DCAF11: variants seen among roughly 807,000 people sequenced by gnomAD.
The protein encoded by DCAF11 is DDB1- and CUL4-associated factor 11.
DCAF11 carries 44 observed loss-of-function variants against 76.1 expected under a neutral mutation model. That is an observed-to-expected ratio of 0.58 (90% CI 0.45 to 0.74). The LOEUF is 0.74. DCAF11 is among the 30% of genes least tolerant of loss of function. The pLI, the probability that DCAF11 is intolerant of heterozygous loss-of-function variation, is 0.00. For synonymous variants in DCAF11, 258 were observed against 255.0 expected, an observed-to-expected ratio of 1.01 and a Z score of -0.11; for missense variants, 604 against 709.4, an observed-to-expected ratio of 0.85 and a Z score of 1.69.
intron 2 of DCAF11, among the ~76,000 whole-genome samples, 192 bp from the exon 3 acceptor site, chr14:24,116,725 G>A (rs759446154): frequency 1.1e-3 from 169 of 152,302 alleles, no homozygotes; most frequent in Admixed American, 4.7e-3. Flanking sequence ...TGTTGGTCTT[G>A]CTCTTGCTGT....
Position 24,115,762 on chromosome 14 carries a change from C to T in DCAF11, c.155+13C>T. ...ATCTCCTCCGCAGGTAACTTACCCT[C>T]TGGTGTGACCCCCAGCAGGTGCTAC... On this transcript the variant is annotated intron_variant, in intron 2 of 14. Transcript: ENST00000446197. 1.2e-6 allele frequency: 2 copies of T among 1,608,762 alleles called. No homozygotes were observed. The highest frequency in any genetic ancestry group is 2.2e-5 in the South Asian group (2 of 90,114).
rs2037607269 is a variant in DCAF11, at chr14:24,117,639, A to G, written c.412-29A>G. 2 of 1,608,854 alleles carry G rather than the reference A, an allele frequency of 1.2e-6. No homozygotes were observed. Among genetic ancestry groups the G allele is most frequent in the Admixed American group, 1.7e-5 (1 of 59,518 alleles). ...GCTGAAGTGGCCCTCTATTTCTGCT[A>G]GCAATATTCCCCAATCCCTTCCATT... On this transcript the variant is annotated intron_variant, in intron 4 of 14. Transcript: ENST00000446197. This position sits in a 1 kb window ranked among gnomAD's most constrained non-coding sequence, Gnocchi z 4.3.
At chr14:24,116,391 TCC>T (rs1477869841) in intron 2 of DCAF11, among the ~76,000 whole-genome samples, 1 of 152,142 alleles carries the variant, frequency 6.6e-6, no homozygotes, top group Non-Finnish European at 1.5e-5. Context: ...CTCACTGTGT[TCC>T]CCAGTCTGGA....
intron 8 of DCAF11, 42 bp from the exon 9 acceptor site, chr14:24,119,103 G>T: frequency 6.2e-7 from 1 of 1,612,540 alleles, no homozygotes; most frequent in Non-Finnish European, 8.5e-7. Flanking sequence ...ATTAACAAAA[G>T]CTGAAGGAAG....
chr14:24,116,591 C>T (rs912440882), intron 2 of DCAF11, among the ~76,000 whole-genome samples: 1 of 152,178 alleles, frequency 6.6e-6, no homozygotes, highest in African/African-American at 2.4e-5. Flanking sequence ...GGATGTTTAG[C>T]TTGTTGGGAG....
chr14:24,120,858 C>T lies in DCAF11; in HGVS notation c.1113C>T (p.Ile371=), dbSNP rs1400899277. The T allele has an allele frequency of 6.2e-7, 1 of 1,614,226 alleles. No homozygotes were observed. Among genetic ancestry groups the T allele is most frequent in the South Asian group, 1.1e-5 (1 of 91,086 alleles). The change falls in exon 12 of 15, where the codon ATC becomes ATT. Residue 371 remains isoleucine, a synonymous_variant. Coordinates refer to ENST00000446197, the MANE Select transcript of DCAF11 (RefSeq NM_025230.5). ...IDSKGDARYL[I]SNSKDQTIKL... ...CATAGGGTGATGCCCGGTATCTGAT[C>T]TCCAACTCTAAAGACCAGACCATCA...
At chr14:24,118,681 T>C (rs1387633115) in intron 7 of DCAF11, 69 bp from the exon 8 acceptor site, 1 of 1,601,742 alleles carries the variant, frequency 6.2e-7, no homozygotes, top group East Asian at 2.2e-5. Flanking sequence ...GTTTGATCTC[T>C]TCCCTAGCTT....
rs2037745770 is a variant in DCAF11, at chr14:24,124,468, GCTCA to G, written c.*1161_*1164del. Reference sequence around the variant, plus strand: ...ACCGATGGTCAGGGAGAGGGCTAGAGCTCACACCCAGCTCGGAATAGATCTTCCC... The same window carrying G: ...ACCGATGGTCAGGGAGAGGGCTAGAGCACCCAGCTCGGAATAGATCTTCCC... On this transcript the variant is annotated 3_prime_UTR_variant, in exon 15 of 15. Transcript: ENST00000446197. The G allele has an allele frequency of 6.6e-6, 1 of 152,272 alleles. No individual in the cohort carries two copies. The highest frequency in any genetic ancestry group is 2.1e-4 in the South Asian group (1 of 4,834). The allele number at this position is 152,272 out of a possible 1,614,324, so 9.4% of individuals were successfully genotyped here.
chr14:24,119,956 C>T, intron 11 of DCAF11, 60 bp downstream of exon 11: 1 of 1,500,796 alleles, frequency 6.7e-7, no homozygotes. Flanking sequence ...CCCAGGAGGG[C>T]ATGAAAGCGG....
At chr14:24,121,293 T>C in intron 12 of DCAF11, 72 bp from the exon 13 acceptor site, 1 of 1,588,662 alleles carries the variant, frequency 6.3e-7, no homozygotes, top group African/African-American at 1.3e-5. Context: ...CGAACCTTGC[T>C]CAGGACTGGT....
In DCAF11 at chr14:24,117,760, C is replaced by T; in HGVS notation, c.476+28C>T. On this transcript the variant is annotated intron_variant, in intron 5 of 14. Transcript: ENST00000446197. The surrounding 1 kb of genome is among the most constrained non-coding windows in gnomAD (Gnocchi z 4.3). ...GAGTATGGGGCTTGGTGAAGAGACT[C>T]TAAGGGCCAGATAGGTCTTATCTCC... 6.2e-7 allele frequency: 1 copy of T among 1,609,876 alleles called. No individual in the cohort carries two copies. The highest frequency in any genetic ancestry group is 8.5e-7 in the Non-Finnish European group (1 of 1,176,692).
At chr14:24,119,680 G>T in intron 10 of DCAF11, 31 bp from the exon 11 acceptor site, 1 of 1,614,148 alleles carries the variant, frequency 6.2e-7, no homozygotes, top group Non-Finnish European at 8.5e-7. Flanking sequence ...CCTAGAAAGA[G>T]GTCTTATATC....
At position 24,123,069 on chromosome 14, in the gene DCAF11, A is replaced by C. The variant is rs760313062; in HGVS notation, c.1498A>C (p.Ser500Arg). The C allele has an allele frequency of 6.2e-7, 1 of 1,614,152 alleles. No homozygotes were observed. The highest frequency in any genetic ancestry group is 1.1e-5 in the South Asian group (1 of 91,088). Residue 500 changes from serine (S) to arginine (R), a missense_variant, in exon 14 of 15, where the codon AGC (serine) becomes CGC (arginine). Coordinates refer to ENST00000446197, the MANE Select transcript of DCAF11 (RefSeq NM_025230.5). ...GCACCCCTTTGAAGAGAAGATTGTC[A>C]GCAGTTCGGTGAGGTTGCAAGGGTT... ...SWHPFEEKIV[S>R]SSWDGNLRLW...
chr14:24,119,011 C>A, intron 8 of DCAF11, 134 bp from the exon 9 acceptor site: 1 of 1,222,838 alleles, frequency 8.2e-7, no homozygotes, highest in Non-Finnish European at 1.2e-6. Flanking sequence ...TCTCACTGAG[C>A]ATCTGCATTA....
At position 24,117,019 on chromosome 14, in the gene DCAF11, T is replaced by C; in HGVS notation, c.258T>C (p.Arg86=). 1 of 1,614,170 alleles carries C rather than the reference T, an allele frequency of 6.2e-7. No individual in the cohort carries two copies. The highest frequency in any genetic ancestry group is 8.5e-7 in the Non-Finnish European group (1 of 1,180,038). ...AGAATGACAGAGCTTGGGATGGTCG[T>C]CTTGGGGATCGATACAACCCACCTG... The part of the protein sequence containing the change: ...EEENDRAWDG[R]LGDRYNPPVD... Residue 86 remains arginine (R), a synonymous_variant, in exon 3 of 15, where the codon CGT becomes CGC. Coordinates refer to ENST00000446197, the MANE Select transcript of DCAF11 (RefSeq NM_025230.5). This position sits in a 1 kb window ranked among gnomAD's most constrained non-coding sequence, Gnocchi z 4.3.
In DCAF11 at chr14:24,117,844, T is replaced by C. The variant is rs2037611798; in HGVS notation, c.476+112T>C. On this transcript the variant is annotated intron_variant, in intron 5 of 14. Transcript: ENST00000446197. This position sits in a 1 kb window ranked among gnomAD's most constrained non-coding sequence, Gnocchi z 4.3. ...CAGAGATATTAAAGGTTAGGTTAAA[T>C]GGGGTTGAAACTTTGAGAGTAAACA... 8.4e-7 allele frequency: 1 copy of C among 1,186,830 alleles called. No individual in the cohort carries two copies. The highest frequency in any genetic ancestry group is 1.2e-6 in the Non-Finnish European group (1 of 833,164). 73.5% of individuals were successfully genotyped at this position (1,186,830 alleles called of 1,614,324 possible).
Position 24,117,944 on chromosome 14 carries a change from C to G in DCAF11, c.477-111C>G. 1 of 938,072 alleles carries G rather than the reference C, an allele frequency of 1.1e-6. No individual in the cohort carries two copies. Among genetic ancestry groups the G allele is most frequent in the Admixed American group, 2.3e-5 (1 of 43,664 alleles). 58.1% of individuals were successfully genotyped at this position (938,072 alleles called of 1,614,324 possible). Reference sequence around the variant, plus strand: ...TTGAAAGACGGGATTGCACTCACAGCCAAAAGGGAAGAATGACTGTTCTGA... The same window carrying G: ...TTGAAAGACGGGATTGCACTCACAGGCAAAAGGGAAGAATGACTGTTCTGA... On this transcript the variant is annotated intron_variant, in intron 5 of 14. Transcript: ENST00000446197. This position sits in a 1 kb window ranked among gnomAD's most constrained non-coding sequence, Gnocchi z 4.3.
rs1355739729 is a variant in DCAF11 at position 24,117,245 on chromosome 14, A to C, written c.284-21A>C. On this transcript the variant is annotated intron_variant, in intron 3 of 14. Transcript: ENST00000446197. The surrounding 1 kb of genome is among the most constrained non-coding windows in gnomAD (Gnocchi z 4.3). Reference sequence around the variant, plus strand: ...CTGAGGCTGGCAGACCTAGGATGAAACTTCTCCTTGGTACTCACAGTGGAT... The same window carrying C: ...CTGAGGCTGGCAGACCTAGGATGAACCTTCTCCTTGGTACTCACAGTGGAT... 1.9e-6 allele frequency: 3 copies of C among 1,613,866 alleles called. No homozygotes were observed. Among genetic ancestry groups the C allele is most frequent in the Non-Finnish European group, 2.5e-6 (3 of 1,179,926 alleles).
Position 24,116,912 on chromosome 14 carries a change from C to T in DCAF11, c.156-5C>T, listed in dbSNP as rs754772732. 1.9e-6 allele frequency: 3 copies of T among 1,614,074 alleles called. No individual in the cohort carries two copies. Among genetic ancestry groups the T allele is most frequent in the Admixed American group, 1.7e-5 (1 of 60,006 alleles). ...CCCTCCTTTATAATGGGGGTCTCTC[C>T]ACAGAGGCCAAGTGAGGTTGGTGCA... On this transcript the variant is annotated splice_polypyrimidine_tract_variant and splice_region_variant and intron_variant, in intron 2 of 14. Transcript: ENST00000446197.
Sources: gnomAD v4.1 joint callset for allele counts (sites outside exome capture counted in the v4.1 genomes callset) on GRCh38, gnomAD v4.1.1 for gene constraint, Gnocchi (gnomAD v3.1) non-coding constraint, MANE v1.5 for transcripts, NCBI Gene and HGNC (gene_info 2026-07-23, HGNC 2026-07-21) for gene names.